The following CHST8 variants were observed in gnomAD, a reference collection of about 807,000 sequenced individuals.
CHST8 encodes carbohydrate sulfotransferase 8, also known as GALNAC-4-ST1.
A neutral mutation model predicts 15.0 loss-of-function variants in CHST8; 10 were observed. The observed-to-expected ratio is 0.67, with a 90% CI of 0.41 to 1.13. CHST8 has a LOEUF of 1.13. Ranked by LOEUF, CHST8 falls within the 50% of genes most tolerant of loss-of-function variation. The pLI is 0.00. For missense variants in CHST8, 634 were observed against 608.2 expected (o/e 1.04, Z -0.45); for synonymous variants, 259 against 256.6 (o/e 1.01, Z -0.09).
intron 1 of CHST8, among the ~76,000 whole-genome samples, chr19:33,650,501 C>CTTTTCTTTTTTTTTTT (rs1972424942): frequency 7.9e-5 from 4 of 50,928 alleles, no homozygotes; most frequent in African/African-American, 2.1e-4. Flanking sequence ...TTTTCTTTTT[C>CTTTTCTTTTTTTTTTT]TTTTTCTTTT....
At chr19:33,680,489 C>A (rs114472277) in intron 2 of CHST8, among the ~76,000 whole-genome samples, 2 of 152,186 alleles carry the variant, frequency 1.3e-5, no homozygotes, top group Non-Finnish European at 2.9e-5. Context: ...CCATGGATCA[C>A]GTCAGCCCTC....
At chr19:33,752,136 G>A (rs912071068) in intron 3 of CHST8, among the ~76,000 whole-genome samples, 6 of 152,146 alleles carry the variant, frequency 3.9e-5, no homozygotes, top group Admixed American at 6.5e-5. Flanking sequence ...GGTATTGGAC[G>A]CCCCAGCTGC....
chr19:33,671,328 T>A (rs903382795), intron 2 of CHST8, among the ~76,000 whole-genome samples: 4 of 152,180 alleles, frequency 2.6e-5, no homozygotes, highest in Non-Finnish European at 5.9e-5. Context: ...GATTTCCACA[T>A]CCTGGCCCGA....
At chr19:33,668,622 G>A (rs558715102) in intron 2 of CHST8, among the ~76,000 whole-genome samples, 1 of 152,290 alleles carries the variant, frequency 6.6e-6, no homozygotes, top group East Asian at 1.9e-4. Flanking sequence ...GGAGGGAGGG[G>A]AAGAGTTGTA....
At chr19:33,710,266 G>A (rs1036505133) in intron 3 of CHST8, among the ~76,000 whole-genome samples, 1 of 152,046 alleles carries the variant, frequency 6.6e-6, no homozygotes, top group Non-Finnish European at 1.5e-5. Context: ...CAATTTTGTT[G>A]ATCTTTTCAA....
At chr19:33,723,691 G>C (rs1973842302) in intron 3 of CHST8, among the ~76,000 whole-genome samples, 1 of 152,208 alleles carries the variant, frequency 6.6e-6, no homozygotes, top group Non-Finnish European at 1.5e-5. Context: ...GACAGCATCA[G>C]GTAGGGCTGT....
At chr19:33,741,958 C>T (rs1357354099) in intron 3 of CHST8, among the ~76,000 whole-genome samples, 1 of 152,052 alleles carries the variant, frequency 6.6e-6, no homozygotes, top group African/African-American at 2.4e-5. Context: ...CAACATGAGC[C>T]AGGCTTGGGT....
Position 33,694,800 on chromosome 19 carries a change from G to A in CHST8, c.130+5409G>A, listed in dbSNP as rs987216723. On this transcript the variant is annotated intron_variant, in intron 3 of 4. Transcript: ENST00000650847. ...TTACCATGTTGGCCGGGCTGGTCTCGAACTCCTGAGCTTCAGGCGATCTAC... is the reference window on the plus strand; with the variant it reads ...TTACCATGTTGGCCGGGCTGGTCTCAAACTCCTGAGCTTCAGGCGATCTAC... Among the ~76,000 whole-genome samples, 4 of 151,988 alleles carry A rather than the reference G, an allele frequency of 2.6e-5. No homozygotes were observed. In the East Asian group the frequency reaches 7.7e-4, roughly 29 times the overall value.
intron 1 of CHST8, among the ~76,000 whole-genome samples, chr19:33,644,876 G>T (rs766384308): frequency 5.3e-5 from 8 of 152,202 alleles, no homozygotes; most frequent in Non-Finnish European, 1.2e-4. Context: ...CCCTGAGAAG[G>T]TGAGATGAGA....
intron 3 of CHST8, among the ~76,000 whole-genome samples, chr19:33,712,234 T>C (rs1283393723): frequency 6.6e-6 from 1 of 152,206 alleles, no homozygotes; most frequent in East Asian, 1.9e-4. Context: ...TTCACCCGAT[T>C]GGTGAGGGGG....
chr19:33,699,574 T>A (rs1234483762), intron 3 of CHST8, among the ~76,000 whole-genome samples: 1 of 151,556 alleles, frequency 6.6e-6, no homozygotes, highest in Non-Finnish European at 1.5e-5. Flanking sequence ...GAGCCAGGGG[T>A]CTCCCTCCGC....
At chr19:33,766,191 C>T (rs1299388063) in intron 3 of CHST8, among the ~76,000 whole-genome samples, 5 of 151,952 alleles carry the variant, frequency 3.3e-5, no homozygotes, top group African/African-American at 1.2e-4. Flanking sequence ...TCTCGCTTCC[C>T]TCTCTCCTTC....
intron 3 of CHST8, among the ~76,000 whole-genome samples, chr19:33,743,536 C>T (rs894939993): frequency 7.9e-5 from 12 of 151,942 alleles, no homozygotes; most frequent in East Asian, 1.9e-4. Flanking sequence ...CTCCTGACCT[C>T]GTGATCTGCC....
chr19:33,697,575 C>G (rs185871590), intron 3 of CHST8, among the ~76,000 whole-genome samples: 61 of 152,244 alleles, frequency 4.0e-4, no homozygotes, highest in African/African-American at 1.4e-3. Flanking sequence ...ATTATTACAC[C>G]ATTTGAAAAA....
intron 3 of CHST8, among the ~76,000 whole-genome samples, chr19:33,723,874 T>C (rs1973845438): frequency 6.6e-6 from 1 of 152,194 alleles, no homozygotes; most frequent in African/African-American, 2.4e-5. Context: ...CCAATTCCTT[T>C]GGCAGGAGGA....
chr19:33,709,292 T>G (rs1485845626), intron 3 of CHST8, among the ~76,000 whole-genome samples: 1 of 152,222 alleles, frequency 6.6e-6, no homozygotes, highest in African/African-American at 2.4e-5. Context: ...CATGCTTTAT[T>G]CCGGATCTTA....
At chr19:33,741,774 T>C (rs1302196185) in intron 3 of CHST8, among the ~76,000 whole-genome samples, 1 of 152,148 alleles carries the variant, frequency 6.6e-6, no homozygotes, top group Non-Finnish European at 1.5e-5. Context: ...GCCTTTGATT[T>C]AATGTCTAGA....
chr19:33,658,116 GAT>G (rs1384396883), intron 1 of CHST8, among the ~76,000 whole-genome samples: 1 of 152,128 alleles, frequency 6.6e-6, no homozygotes, highest in Non-Finnish European at 1.5e-5. Context: ...AAGATGGGTG[GAT>G]CACCTGAGGT....
chr19:33,651,524 T>C (rs7250790), intron 1 of CHST8, among the ~76,000 whole-genome samples: 2,466 of 152,312 alleles, frequency 0.016, 57 homozygotes, highest in African/African-American at 0.05. Context: ...TGGCTAATAT[T>C]GAGCCATTCT....
Sources: allele counts gnomAD v4.1 joint callset (sites outside exome capture counted in the v4.1 genomes callset), GRCh38; gene constraint gnomAD v4.1.1; transcripts MANE v1.5; gene names NCBI Gene and HGNC (gene_info 2026-07-23, HGNC 2026-07-21).